RAP1GAP2: variants seen among roughly 807,000 people sequenced by gnomAD.
RAP1GAP2 encodes RAP1 GTPase activating protein 2.
A neutral mutation model predicts 95.0 loss-of-function variants in RAP1GAP2; 27 were observed. The ratio of observed to expected loss-of-function variants is 0.28; its 90% confidence interval spans 0.21 to 0.39. RAP1GAP2 has a LOEUF of 0.39. Ranked by LOEUF, RAP1GAP2 falls within the 10% of genes least tolerant of loss-of-function variation. The pLI is 1.00. For synonymous variants in RAP1GAP2, 373 were observed against 380.9 expected (o/e 0.98, Z 0.24); for missense variants, 771 against 970.0 (o/e 0.79, Z 2.72).
At chr17:2,923,614 C>G (rs988088671) in intron 3 of RAP1GAP2, among the ~76,000 whole-genome samples, 2 of 151,926 alleles carry the variant, frequency 1.3e-5, no homozygotes, top group Non-Finnish European at 2.9e-5. Flanking sequence ...GATTACAGGC[C>G]TGAGCCAATG....
chr17:3,020,689 G>A, intron 19 of RAP1GAP2, 94 bp downstream of exon 19: 1 of 1,142,868 alleles, frequency 8.7e-7, no homozygotes, highest in Non-Finnish European at 1.3e-6. Flanking sequence ...CTTGCAGGGA[G>A]GAGCTTTGCT....
intron 2 of RAP1GAP2, among the ~76,000 whole-genome samples, chr17:2,869,561 C>T (rs1424138876): frequency 6.6e-6 from 1 of 152,132 alleles, no homozygotes; most frequent in Non-Finnish European, 1.5e-5. Flanking sequence ...TGTGAATGCT[C>T]AGCTGAGTTG....
chr17:2,807,966 G>C (rs2069593216), intron 2 of RAP1GAP2, among the ~76,000 whole-genome samples: 1 of 152,200 alleles, frequency 6.6e-6, no homozygotes, highest in African/African-American at 2.4e-5. Context: ...CCTGGGGTGA[G>C]GCCTCGGGAA....
chr17:3,005,245 T>G lies in RAP1GAP2; in HGVS notation c.1201-124T>G. 1.0e-6 allele frequency: 1 copy of G among 981,284 alleles called. No individual in the cohort carries two copies. 60.8% of individuals were successfully genotyped at this position (981,284 alleles called of 1,614,324 possible). ...TGTGCTGGCGATGCTCACAGGAGTA[T>G]TTTGTTTGTGTTCTGGGAAGAGGAG... On this transcript the variant is annotated intron_variant, in intron 14 of 24. Coordinates refer to ENST00000254695, the MANE Select transcript of RAP1GAP2 (RefSeq NM_015085.5). The surrounding 1 kb of genome is among the most constrained non-coding windows in gnomAD (Gnocchi z 5.2).
chr17:2,985,313 T>A (rs1333829322), intron 11 of RAP1GAP2, among the ~76,000 whole-genome samples: 1 of 152,150 alleles, frequency 6.6e-6, no homozygotes, highest in Non-Finnish European at 1.5e-5. Context: ...ATTCTCATTC[T>A]TCCTGGCTGC....
intron 1 of RAP1GAP2, among the ~76,000 whole-genome samples, chr17:2,779,630 G>A (rs982788006): frequency 6.9e-4 from 99 of 144,350 alleles, no homozygotes; most frequent in Non-Finnish European, 7.4e-4. Context: ...AGGACACAGA[G>A]GCCAGCACTG....
intron 2 of RAP1GAP2, among the ~76,000 whole-genome samples, chr17:2,889,889 A>ATTTTTTTTTTTTTT (rs3039128): frequency 1.7e-5 from 1 of 57,316 alleles, no homozygotes; most frequent in Non-Finnish European, 3.1e-5. Context: ...ATATATATAT[A>ATTTTTTTTTTTTTT]TTTTTTTTTT....
chr17:2,883,430 C>T (rs2073376085), intron 2 of RAP1GAP2, among the ~76,000 whole-genome samples: 1 of 152,170 alleles, frequency 6.6e-6, no homozygotes, highest in Non-Finnish European at 1.5e-5. Flanking sequence ...CTGCCCTGCT[C>T]TCGGCACCTT....
At chr17:2,853,585 C>T (rs974139478) in intron 2 of RAP1GAP2, among the ~76,000 whole-genome samples, 36 of 150,432 alleles carry the variant, frequency 2.4e-4, no homozygotes, top group African/African-American at 8.5e-4. Flanking sequence ...GCGCTGTCCG[C>T]CTCCTCCTGC....
At position 2,995,533 on chromosome 17, in the gene RAP1GAP2, C is replaced by T. The variant is rs569018646; in HGVS notation, c.1044+67C>T. ...AGGTGAGGGCCTGCCTCTGGTCTGA[C>T]CTGCTAAGAGGCTGTGGCCGTCCCC... On this transcript the variant is annotated intron_variant, in intron 13 of 24. Transcript: ENST00000254695. 2.6e-5 allele frequency: 42 copies of T among 1,594,756 alleles called. No homozygotes were observed. The Admixed American group carries it at 5.7e-4, about 22-fold the overall frequency.
At chr17:3,024,445 G>A (rs1409703253) in intron 19 of RAP1GAP2, among the ~76,000 whole-genome samples, 1 of 152,210 alleles carries the variant, frequency 6.6e-6, no homozygotes, top group Non-Finnish European at 1.5e-5. Flanking sequence ...ATTGCTGGTG[G>A]GAATGTAAAA....
At chr17:2,935,895 C>A (rs1340454461) in intron 3 of RAP1GAP2, among the ~76,000 whole-genome samples, 1 of 152,032 alleles carries the variant, frequency 6.6e-6, no homozygotes, top group Non-Finnish European at 1.5e-5. Flanking sequence ...GAAGGAAACG[C>A]GGCCGATCTG....
chr17:2,998,039 C>T (rs897576762), intron 13 of RAP1GAP2, among the ~76,000 whole-genome samples, 182 bp from the exon 14 acceptor site: 5 of 152,176 alleles, frequency 3.3e-5, no homozygotes, highest in East Asian at 1.9e-4. Context: ...TGCACTTCTC[C>T]CCTTGCTGCC....
chr17:2,974,746 G>C (rs546321837), intron 8 of RAP1GAP2, among the ~76,000 whole-genome samples: 5 of 151,886 alleles, frequency 3.3e-5, no homozygotes, highest in Admixed American at 3.3e-4. Flanking sequence ...TACAATCTTA[G>C]AGTTTGATGA....
chr17:3,033,416 A>T lies in RAP1GAP2; in HGVS notation c.*55A>T, dbSNP rs1361569850. ...GGGAATCCCCTCTTCTGTCCTGGAA[A>T]AGGCTCCTGTACCAGCAGTTTGGGA... On this transcript the variant is annotated 3_prime_UTR_variant, in exon 25 of 25. Transcript: ENST00000254695. The surrounding 1 kb of genome is among the most constrained non-coding windows in gnomAD (Gnocchi z 4.9). 1 of 152,998 alleles carries T rather than the reference A, an allele frequency of 6.5e-6. No individual in the cohort carries two copies. The highest frequency in any genetic ancestry group is 2.4e-5 in the African/African-American group (1 of 41,416). 9.5% of individuals were successfully genotyped at this position (152,998 alleles called of 1,614,324 possible).
At chr17:2,805,442 G>A (rs1302116942) in intron 2 of RAP1GAP2, among the ~76,000 whole-genome samples, 2 of 152,060 alleles carry the variant, frequency 1.3e-5, no homozygotes. Flanking sequence ...TGCAACCTCC[G>A]TCTCCTGGGT....
At chr17:2,800,430 C>A in intron 1 of RAP1GAP2, 85 bp from the exon 2 acceptor site, 1 of 1,035,866 alleles carries the variant, frequency 9.7e-7, no homozygotes, top group Non-Finnish European at 1.3e-6. Flanking sequence ...GTGGTTTGGG[C>A]TGTCCCGGGG....
At chr17:2,858,583 A>C (rs758556686) in intron 2 of RAP1GAP2, among the ~76,000 whole-genome samples, 1 of 152,134 alleles carries the variant, frequency 6.6e-6, no homozygotes, top group Non-Finnish European at 1.5e-5. Context: ...AGATCATTTC[A>C]TTCTTAAATA....
chr17:2,803,382 C>T (rs1378182142), intron 2 of RAP1GAP2, among the ~76,000 whole-genome samples: 1 of 152,178 alleles, frequency 6.6e-6, no homozygotes, highest in Non-Finnish European at 1.5e-5. Context: ...GGGAAGAAAG[C>T]AGGGTGCCCC....
Sources: allele counts gnomAD v4.1 joint callset (sites outside exome capture counted in the v4.1 genomes callset), GRCh38; gene constraint gnomAD v4.1.1; non-coding constraint Gnocchi (gnomAD v3.1); transcripts MANE v1.5; gene names NCBI Gene and HGNC (gene_info 2026-07-23, HGNC 2026-07-21).